EHD4: variants seen among roughly 807,000 people sequenced by gnomAD.
EHD4 encodes EH domain-containing protein 4.
A neutral mutation model predicts 51.0 loss-of-function variants in EHD4; 37 were observed. That is an observed-to-expected ratio of 0.73 (90% CI 0.56 to 0.95). EHD4 has a LOEUF of 0.95. Among genes scored for constraint, EHD4 ranks in the 40% least tolerant of loss-of-function variants. The pLI is 0.00. For missense variants in EHD4, 632 were observed against 733.1 expected, an observed-to-expected ratio of 0.86 and a Z score of 1.59; for synonymous variants, 297 against 317.3, an observed-to-expected ratio of 0.94 and a Z score of 0.68.
chr15:41,945,734 G>C (rs1443560138), intron 2 of EHD4, among the ~76,000 whole-genome samples: 1 of 152,220 alleles, frequency 6.6e-6, no homozygotes, highest in African/African-American at 2.4e-5. Context: ...AAATCCTAAT[G>C]GTGTTCTAGC....
chr15:41,958,773 A>C (rs1442451181), intron 1 of EHD4, among the ~76,000 whole-genome samples: 1 of 152,200 alleles, frequency 6.6e-6, no homozygotes, highest in Non-Finnish European at 1.5e-5. Context: ...TTATGTGCTA[A>C]AGTCTTTACA....
rs895868277 is a variant in EHD4 at position 41,935,012 on chromosome 15, C to CG, written c.511+8054dup. ...AGGGCCTACAGCTCACAGCAGGTGG[C>CG]GGGGGGGCCTCCTGATCTCATCACC... On this transcript the variant is annotated intron_variant, in intron 3 of 5. Transcript: ENST00000220325. 7.2e-5 allele frequency among the ~76,000 whole-genome samples: 11 copies of CG among 152,196 alleles called. No individual in the cohort carries two copies. The South Asian group carries it at 8.3e-4, about 11-fold the overall frequency.
At chr15:41,971,076 A>G (rs1015967436) in intron 1 of EHD4, among the ~76,000 whole-genome samples, 47 of 152,240 alleles carry the variant, frequency 3.1e-4, no homozygotes, top group African/African-American at 1.0e-3. Flanking sequence ...AATACACAGT[A>G]TATTTGTTTT....
intron 3 of EHD4, among the ~76,000 whole-genome samples, chr15:41,933,708 T>C (rs373852031): frequency 6.4e-4 from 97 of 152,318 alleles, no homozygotes; most frequent in Middle Eastern, 3.4e-3. Context: ...GGATTGAGGC[T>C]GTGTAACAGG....
intron 2 of EHD4, among the ~76,000 whole-genome samples, chr15:41,953,011 A>C (rs2141004476): frequency 6.6e-6 from 1 of 151,476 alleles, no homozygotes; most frequent in African/African-American, 2.4e-5. Flanking sequence ...AAAAAAAAAA[A>C]AAAAAAAAAA....
chr15:41,907,497 A>G (rs961129093), intron 5 of EHD4, among the ~76,000 whole-genome samples: 2 of 152,182 alleles, frequency 1.3e-5, no homozygotes, highest in African/African-American at 4.8e-5. Flanking sequence ...CTGGAAGAAA[A>G]GAGACATTTC....
chr15:41,967,038 C>T (rs1267186187), intron 1 of EHD4, among the ~76,000 whole-genome samples: 2 of 152,210 alleles, frequency 1.3e-5, no homozygotes, highest in African/African-American at 2.4e-5. Flanking sequence ...ATGGACATCG[C>T]CACCTTGGTG....
chr15:41,922,940 T>C (rs1170113751), intron 3 of EHD4, among the ~76,000 whole-genome samples: 1 of 152,118 alleles, frequency 6.6e-6, no homozygotes, highest in Non-Finnish European at 1.5e-5. Context: ...GGCAACACAA[T>C]CAAAGGAGTA....
chr15:41,935,853 C>T lies in EHD4; in HGVS notation c.511+7214G>A, dbSNP rs187995977. On this transcript the variant is annotated intron_variant, in intron 3 of 5. Transcript: ENST00000220325. ...GGTCTGTCAGAAGGTGATAGTCAGACAGTGGTTGGGGCTGGAGTTACCTGA... is the reference window on the plus strand; with the variant it reads ...GGTCTGTCAGAAGGTGATAGTCAGATAGTGGTTGGGGCTGGAGTTACCTGA... Among the ~76,000 whole-genome samples, 270 of 152,288 alleles carry T rather than the reference C, an allele frequency of 1.8e-3. 2 individuals are homozygous for T. The highest frequency in any genetic ancestry group is 6.1e-3 in the African/African-American group (252 of 41,542).
intron 3 of EHD4, among the ~76,000 whole-genome samples, chr15:41,920,298 C>G (rs989667664): frequency 6.6e-6 from 1 of 152,240 alleles, no homozygotes; most frequent in Non-Finnish European, 1.5e-5. Flanking sequence ...GCCTGGCCCA[C>G]AGCAAATTCT....
intron 1 of EHD4, among the ~76,000 whole-genome samples, chr15:41,968,253 TA>T (rs1224299165): frequency 6.6e-6 from 1 of 152,200 alleles, no homozygotes. Flanking sequence ...TTTCCCCTAT[TA>T]AATACTATAG....
intron 3 of EHD4, chr15:41,921,285 T>C (rs1042528297): frequency 5.3e-5 from 8 of 152,232 alleles, no homozygotes; most frequent in Admixed American, 4.6e-4. Context: ...TCCTTGGGGA[T>C]AAGGAAGACA....
chr15:41,939,069 C>T (rs1306714534), intron 3 of EHD4, among the ~76,000 whole-genome samples: 1 of 152,250 alleles, frequency 6.6e-6, no homozygotes, highest in East Asian at 1.9e-4. Flanking sequence ...GGTGCTCTTT[C>T]TTCTCATCGC....
At chr15:41,936,599 C>T (rs2067733300) in intron 3 of EHD4, among the ~76,000 whole-genome samples, 1 of 152,128 alleles carries the variant, frequency 6.6e-6, no homozygotes, top group East Asian at 1.9e-4. Flanking sequence ...GTGAAGTGTC[C>T]TTCTCCCCAT....
Position 41,972,429 on chromosome 15 carries a change from C to T in EHD4, c.66G>A (p.Gln22=). 10 of 1,598,736 alleles carry T rather than the reference C, an allele frequency of 6.3e-6. No individual in the cohort carries two copies. Among genetic ancestry groups the T allele is most frequent in the Non-Finnish European group, 7.7e-6 (9 of 1,174,040 alleles). ...GCGAGCGCAGCCCGCCCGTCACCGT[C>T]TGCACCGCGTCCGCGCCGCCAGCGC... is the stretch of plus-strand genomic sequence containing the variant. The part of the protein sequence containing the change: ...RERAGGADAV[Q]TVTGGLRSLY... The change falls in exon 1 of 6, where the codon CAG becomes CAA. Residue 22 remains glutamine, a synonymous_variant. Coordinates refer to ENST00000220325, the MANE Select transcript of EHD4 (RefSeq NM_139265.4).
Position 41,900,706 on chromosome 15 carries a change from C to T in EHD4, c.1565G>A (p.Ser522Asn), listed in dbSNP as rs1483796764. The T allele has an allele frequency of 6.2e-7, 1 of 1,608,980 alleles. No individual in the cohort carries two copies. The highest frequency in any genetic ancestry group is 8.5e-7 in the Non-Finnish European group (1 of 1,179,670). Residue 522 changes from serine to asparagine, a missense_variant, in exon 6 of 6, where the codon AGC becomes AAC. Ser to Asn is a conservative substitution (Grantham distance 46). Transcript: ENST00000220325. The surrounding 1 kb of genome is among the most constrained non-coding windows in gnomAD (Gnocchi z 4.8). ...GGGCACGAGGTGGGGGGGCAGGCTG[C>T]TGGGCAGCTCGTAGCCGTCGAGCTT... ...KIKLDGYELP[S>N]SLPPHLVPPS... is the part of the protein sequence containing the mutation.
In EHD4 at chr15:41,943,140, A is replaced by AT; in HGVS notation, c.437dup (p.Asn146LysfsTer28). 1 of 1,592,252 alleles carries AT rather than the reference A, an allele frequency of 6.3e-7. No homozygotes were observed. Among genetic ancestry groups the AT allele is most frequent in the Non-Finnish European group, 8.6e-7 (1 of 1,169,344 alleles). ...TGACGCTGATGCTCTTCAGGACCTG[A>AT]TTGGGGAGCTGTGAGCACATGAATC... On this transcript the variant is annotated frameshift_variant, in exon 3 of 6. Transcript: ENST00000220325. LOFTEE classifies it high-confidence loss of function.
intron 1 of EHD4, among the ~76,000 whole-genome samples, chr15:41,955,674 C>T (rs576275014): frequency 2.6e-5 from 4 of 152,190 alleles, no homozygotes; most frequent in African/African-American, 4.8e-5. Flanking sequence ...CCCTAATAGC[C>T]TAGAAATGTT....
At chr15:41,954,093 G>C (rs2067870763) in intron 1 of EHD4, among the ~76,000 whole-genome samples, 153 bp from the exon 2 acceptor site, 2 of 152,146 alleles carry the variant, frequency 1.3e-5, no homozygotes, top group Admixed American at 1.3e-4. Context: ...CTGCATTTCT[G>C]TTGATGCAAC....
Sources: gnomAD v4.1 joint callset for allele counts (sites outside exome capture counted in the v4.1 genomes callset) on GRCh38, gnomAD v4.1.1 for gene constraint, Gnocchi (gnomAD v3.1) non-coding constraint, MANE v1.5 for transcripts, NCBI Gene and HGNC (gene_info 2026-07-23, HGNC 2026-07-21) for gene names.